Variants in SORCS2 observed in about 807,000 individuals in gnomAD.
The protein encoded by SORCS2 is VPS10 domain-containing receptor SorCS2.
SORCS2 carries 100 observed loss-of-function variants against 141.6 expected under a neutral mutation model. The observed-to-expected ratio is 0.71, with a 90% CI of 0.60 to 0.83. SORCS2 has a LOEUF of 0.83. Ranked by LOEUF, SORCS2 falls within the 40% of genes least tolerant of loss-of-function variation. The pLI is 0.00. For missense variants in SORCS2, 1,646 were observed against 1,560.2 expected (o/e 1.05, Z -0.93); for synonymous variants, 789 against 676.9 (o/e 1.17, Z -2.57).
rs397880294 is a variant in SORCS2, at chr4:7,314,800, G to GTTTTTTTTTT, written c.481-81468_481-81459dup. On this transcript the variant is annotated intron_variant, in intron 1 of 26. Coordinates refer to ENST00000507866, the MANE Select transcript of SORCS2 (RefSeq NM_020777.3). ...CTCCCAGGAGCCTGCCCACTGTTCT[G>GTTTTTTTTTT]TTTTTTTTTTTTTTTTTTTTTTTTT... Among the ~76,000 whole-genome samples, 15 of 109,834 alleles carry GTTTTTTTTTT rather than the reference G, an allele frequency of 1.4e-4. 1 individual carries two copies. The highest frequency in any genetic ancestry group is 4.7e-4 in the African/African-American group (14 of 29,828). 72.1% of individuals were successfully genotyped at this position (109,834 alleles called of 152,430 possible).
At chr4:7,422,208 TCTC>T (rs1726124910) in intron 2 of SORCS2, among the ~76,000 whole-genome samples, 1 of 152,104 alleles carries the variant, frequency 6.6e-6, no homozygotes, top group Admixed American at 6.5e-5. Context: ...TCTCTGACCT[TCTC>T]CTGTCACTGC....
intron 2 of SORCS2, among the ~76,000 whole-genome samples, chr4:7,527,808 G>A (rs1448249750): frequency 6.6e-6 from 1 of 152,166 alleles, no homozygotes; most frequent in Non-Finnish European, 1.5e-5. Context: ...ACTAAGGTGA[G>A]CAGGGAGATG....
At chr4:7,454,531 A>T (rs1173597714) in intron 2 of SORCS2, among the ~76,000 whole-genome samples, 3 of 114,452 alleles carry the variant, frequency 2.6e-5, no homozygotes, top group African/African-American at 7.1e-5. Context: ...TGTTGGGGTC[A>T]GCTGCTGTGT....
At chr4:7,632,795 C>A (rs1719981050) in intron 3 of SORCS2, among the ~76,000 whole-genome samples, 1 of 152,130 alleles carries the variant, frequency 6.6e-6, no homozygotes, top group Non-Finnish European at 1.5e-5. Context: ...GAGAGGCTGG[C>A]AGCAGAAGCA....
intron 1 of SORCS2, among the ~76,000 whole-genome samples, chr4:7,363,099 A>ACATCATCATCATCATCACCATCACCG (rs1721688461): frequency 6.7e-6 from 1 of 150,364 alleles, no homozygotes; most frequent in Non-Finnish European, 1.5e-5. Flanking sequence ...CACCATCACC[A>ACATCATCATCATCATCACCATCACCG]CTACCATCAC....
chr4:7,446,187 G>A (rs1332615508), intron 2 of SORCS2, among the ~76,000 whole-genome samples: 2 of 151,588 alleles, frequency 1.3e-5, no homozygotes, highest in Non-Finnish European at 2.9e-5. Flanking sequence ...GAGGGGAGGG[G>A]AGGGGAGGGA....
intron 1 of SORCS2, among the ~76,000 whole-genome samples, chr4:7,390,969 A>G (rs372776214): frequency 1.3e-5 from 2 of 152,146 alleles, no homozygotes; most frequent in Admixed American, 6.5e-5. Flanking sequence ...GTGACCACTC[A>G]GGGAGGAGGG....
chr4:7,353,076 G>A (rs2109009598), intron 1 of SORCS2, among the ~76,000 whole-genome samples: 1 of 152,302 alleles, frequency 6.6e-6, no homozygotes, highest in South Asian at 2.1e-4. Flanking sequence ...GTGACACAGG[G>A]ACTGTGCCTG....
At chr4:7,676,761 T>G (rs1723151663) in intron 9 of SORCS2, among the ~76,000 whole-genome samples, 1 of 131,572 alleles carries the variant, frequency 7.6e-6, no homozygotes, top group Non-Finnish European at 1.6e-5. Flanking sequence ...CCCTGTCATC[T>G]CCTCCTTCCT....
chr4:7,473,117 A>C (rs1204965475), intron 2 of SORCS2, among the ~76,000 whole-genome samples: 1 of 152,226 alleles, frequency 6.6e-6, no homozygotes, highest in East Asian at 1.9e-4. Context: ...AAGCATCAAA[A>C]GAGGGAATAT....
At chr4:7,468,748 G>C (rs182532669) in intron 2 of SORCS2, among the ~76,000 whole-genome samples, 275 of 152,284 alleles carry the variant, frequency 1.8e-3, no homozygotes, top group Non-Finnish European at 3.0e-3. Context: ...GATTCTTATT[G>C]TCAGCATTGT....
At chr4:7,639,148 T>C (rs1318675335) in intron 4 of SORCS2, among the ~76,000 whole-genome samples, 1 of 152,168 alleles carries the variant, frequency 6.6e-6, no homozygotes, top group Non-Finnish European at 1.5e-5. Flanking sequence ...CTTTGTTCCT[T>C]TTCTGCAGCC....
At chr4:7,560,098 C>G (rs1714427193) in intron 3 of SORCS2, among the ~76,000 whole-genome samples, 1 of 152,222 alleles carries the variant, frequency 6.6e-6, no homozygotes, top group South Asian at 2.1e-4. Context: ...TGCTCACATC[C>G]TCGCAGGTTA....
chr4:7,406,360 A>T (rs1312278784), intron 2 of SORCS2, among the ~76,000 whole-genome samples: 4 of 99,302 alleles, frequency 4.0e-5, no homozygotes, highest in Admixed American at 1.4e-4. Context: ...AAACCATTGG[A>T]TCCTAGGCTT....
intron 1 of SORCS2, among the ~76,000 whole-genome samples, chr4:7,339,086 G>T (rs938377696): frequency 1.3e-5 from 2 of 152,216 alleles, no homozygotes; most frequent in Non-Finnish European, 1.5e-5. Flanking sequence ...GGTATCACCT[G>T]CCATTTCGCC....
chr4:7,446,011 T>TA (rs1274757463), intron 2 of SORCS2, among the ~76,000 whole-genome samples: 2 of 151,320 alleles, frequency 1.3e-5, no homozygotes, highest in Non-Finnish European at 3.0e-5. Context: ...CTTTTCTTTT[T>TA]TTTCCTTCCT....
intron 3 of SORCS2, among the ~76,000 whole-genome samples, chr4:7,601,007 T>G (rs1280186710): frequency 6.6e-6 from 1 of 152,218 alleles, no homozygotes; most frequent in African/African-American, 2.4e-5. Flanking sequence ...TGCCTCAGCC[T>G]CCTGAGTAGC....
chr4:7,621,030 C>A (rs1719132540), intron 3 of SORCS2, among the ~76,000 whole-genome samples: 1 of 152,158 alleles, frequency 6.6e-6, no homozygotes, highest in Non-Finnish European at 1.5e-5. Flanking sequence ...GGTTGCCGGC[C>A]ATGAGGTCCC....
intron 3 of SORCS2, among the ~76,000 whole-genome samples, chr4:7,584,741 G>T (rs1229206562): frequency 6.6e-6 from 1 of 152,160 alleles, no homozygotes; most frequent in Non-Finnish European, 1.5e-5. Context: ...GAGCAGTTTT[G>T]CAGGCACAGT....
Sources: gnomAD v4.1 joint callset for allele counts (sites outside exome capture counted in the v4.1 genomes callset) on GRCh38, gnomAD v4.1.1 for gene constraint, MANE v1.5 for transcripts, NCBI Gene and HGNC (gene_info 2026-07-23, HGNC 2026-07-21) for gene names.